The following TLN1 variants were observed in gnomAD, a reference collection of about 807,000 sequenced individuals.
TLN1 encodes talin-1.
TLN1 carries 56 observed loss-of-function variants against 292.3 expected under a neutral mutation model. The observed-to-expected ratio is 0.19, with a 90% CI of 0.15 to 0.24. TLN1 has a LOEUF of 0.24. TLN1 is among the 10% of genes least tolerant of loss of function. TLN1 has a pLI of 1.00. For synonymous variants in TLN1, 1,119 were observed against 1,253.7 expected (o/e 0.89, Z 2.27); for missense variants, 2,433 against 3,248.2 (o/e 0.75, Z 6.10).
chr9:35,719,015 C>T lies in TLN1; in HGVS notation c.1896+59G>A, dbSNP rs1825835693. ...GGCTTCCATCCTGTGGCTTGGACTG[C>T]CCCTTCTCCTTGGGCTTGAACCCTG... On this transcript the variant is annotated intron_variant, in intron 16 of 56. Transcript: ENST00000314888. This position sits in a 1 kb window ranked among gnomAD's most constrained non-coding sequence, Gnocchi z 4.6. 6.3e-7 allele frequency: 1 copy of T among 1,596,518 alleles called. No individual in the cohort carries two copies. The highest frequency in any genetic ancestry group is 1.7e-5 in the Admixed American group (1 of 59,566).
At chr9:35,716,635 T>G in intron 19 of TLN1, 79 bp from the exon 20 acceptor site, 1 of 1,521,024 alleles carries the variant, frequency 6.6e-7, no homozygotes, top group Admixed American at 1.8e-5. Flanking sequence ...TGGGGAAAAG[T>G]GGTGTAGACA....
rs1371771648 is a variant in TLN1 at position 35,717,707 on chromosome 9, C to T, written c.2075G>A (p.Arg692Gln). Residue 692 changes from arginine (R) to glutamine (Q), a missense_variant, in exon 18 of 57, where the codon CGG becomes CAG. Arg to Gln is a conservative substitution (Grantham distance 43). This residue lies in a region of TLN1 where 617 missense variants were observed against 770.6 expected (regional missense o/e 0.80). Coordinates refer to ENST00000314888, the MANE Select transcript of TLN1 (RefSeq NM_006289.4). The surrounding 1 kb of genome is among the most constrained non-coding windows in gnomAD (Gnocchi z 4.7). ...LVLKAKSVAQRTEDSGLQTQV... is the reference protein window; with the variant it reads ...LVLKAKSVAQQTEDSGLQTQV... ...GGTCTGAAGTCCCGAGTCCTCTGTC[C>T]GCTGGGCCACACTCTTGGCCTTGAG... 8 of 1,614,052 alleles carry T rather than the reference C, an allele frequency of 5.0e-6. No individual in the cohort carries two copies. Among genetic ancestry groups the T allele is most frequent in the Non-Finnish European group, 6.8e-6 (8 of 1,179,976 alleles).
intron 1 of TLN1, among the ~76,000 whole-genome samples, chr9:35,729,984 G>GTGTAGAAAAAGGATGAGAAGACAGA (rs1826044912): frequency 1.3e-5 from 2 of 152,080 alleles, no homozygotes; most frequent in Non-Finnish European, 2.9e-5. Flanking sequence ...GAGAAGACAG[G>GTGTAGAAAAAGGATGAGAAGACAGA]GTGTAGAAAA....
rs1391858327 is a variant in TLN1, at chr9:35,707,842, G to A, written c.4521C>T (p.Asn1507=). The change falls in exon 35 of 57, where the codon AAC becomes AAT. Residue 1507 remains asparagine, a synonymous_variant. Transcript: ENST00000314888. This position sits in a 1 kb window ranked among gnomAD's most constrained non-coding sequence, Gnocchi z 5.6. Reference sequence around the variant, plus strand: ...TACGGGCAGAAGCCAGGCGACAGCTGTTACACAGTGCAGAGGTGTGTTTAG... The same window carrying A: ...TACGGGCAGAAGCCAGGCGACAGCTATTACACAGTGCAGAGGTGTGTTTAG... ...IVAKHTSALC[N]SCRLASARTT... 9.9e-6 allele frequency: 16 copies of A among 1,614,172 alleles called. No homozygotes were observed. Among genetic ancestry groups the A allele is most frequent in the Non-Finnish European group, 1.4e-5 (16 of 1,180,036 alleles).
Position 35,720,237 on chromosome 9 carries a change from A to G in TLN1, c.1284-18T>C, listed in dbSNP as rs761816653. The G allele has an allele frequency of 6.4e-7, 1 of 1,562,722 alleles. No homozygotes were observed. ...CTGTTGACCTGTAGAGGGGTGAACT[A>G]TTGAGCTCACAGAGGACTCCTCATC... On this transcript the variant is annotated intron_variant, in intron 12 of 56. Coordinates refer to ENST00000314888, the MANE Select transcript of TLN1 (RefSeq NM_006289.4).
intron 33 of TLN1, among the ~76,000 whole-genome samples, chr9:35,709,640 G>A (rs1196239062): frequency 1.3e-5 from 2 of 152,088 alleles, no homozygotes; most frequent in African/African-American, 2.4e-5. Context: ...TGTAATCCCA[G>A]CACTTTGGGA....
At chr9:35,710,763 GC>G in intron 32 of TLN1, 33 bp downstream of exon 32, 4 of 1,613,892 alleles carry the variant, frequency 2.5e-6, no homozygotes, top group Non-Finnish European at 3.4e-6. Flanking sequence ...CCATCCTACT[GC>G]CCTCTCTCCT....
intron 33 of TLN1, among the ~76,000 whole-genome samples, chr9:35,709,120 C>T (rs1048436551): frequency 1.3e-5 from 2 of 152,118 alleles, no homozygotes; most frequent in African/African-American, 2.4e-5. Context: ...TTTAGTGAAA[C>T]CCTGTCTCTA....
chr9:35,707,989 C>A lies in TLN1; in HGVS notation c.4471-97G>T. ...AGGGTCAGGGGATGGAGAGCAATAC[C>A]CTGAGGAGTCAAAACAGGAATAACA... On this transcript the variant is annotated intron_variant, in intron 34 of 56. Transcript: ENST00000314888. The surrounding 1 kb of genome is among the most constrained non-coding windows in gnomAD (Gnocchi z 5.6). 5.0e-6 allele frequency: 7 copies of A among 1,394,256 alleles called. No homozygotes were observed. Among genetic ancestry groups the A allele is most frequent in the Non-Finnish European group, 6.9e-6 (7 of 1,016,862 alleles). 86.4% of individuals were successfully genotyped at this position (1,394,256 alleles called of 1,614,324 possible).
In TLN1 at chr9:35,707,548, G is replaced by A; in HGVS notation, c.4633-60C>T. On this transcript the variant is annotated intron_variant, in intron 35 of 56. Coordinates refer to ENST00000314888, the MANE Select transcript of TLN1 (RefSeq NM_006289.4). The surrounding 1 kb of genome is among the most constrained non-coding windows in gnomAD (Gnocchi z 5.6). ...TGCAGTCATAGGGGGTATAGGAAGT[G>A]AAGTCCAGGTCTCCTTCCTGGGACT... 1 of 1,596,464 alleles carries A rather than the reference G, an allele frequency of 6.3e-7. No individual in the cohort carries two copies. Among genetic ancestry groups the A allele is most frequent in the East Asian group, 2.2e-5 (1 of 44,566 alleles).
In TLN1 at chr9:35,706,105, C is replaced by T. The variant is rs754790750; in HGVS notation, c.5368G>A (p.Ala1790Thr). 1.2e-6 allele frequency: 2 copies of T among 1,614,102 alleles called. No individual in the cohort carries two copies. The highest frequency in any genetic ancestry group is 1.7e-6 in the Non-Finnish European group (2 of 1,179,996). The change falls in exon 41 of 57, where the codon GCT (alanine) becomes ACT (threonine). Residue 1790 changes from alanine (A) to threonine (T), a missense_variant. Physicochemically the swap from Ala to Thr is moderately conservative, Grantham distance 58 (BLOSUM62 0). This residue lies in a region of TLN1 where 1,384 missense variants were observed against 1,699.6 expected (regional missense o/e 0.81). Transcript: ENST00000314888. This position sits in a 1 kb window ranked among gnomAD's most constrained non-coding sequence, Gnocchi z 4.2. ...KEAGGNPKQA[A>T]HTQEALEEAV... is the part of the protein sequence containing the mutation. ...TCCTCCAGGGCTTCCTGGGTGTGAG[C>T]TGCTTGCTGTGGGGAGAGGAGAGGA...
In TLN1 at chr9:35,724,785, T is replaced by G; in HGVS notation, c.358+45A>C. ...CTGCATCCATGCCTTTTGAGAGAGT[T>G]GAGGCTTTCTGGCCCAGGCTTTCAA... On this transcript the variant is annotated intron_variant, in intron 4 of 56. Coordinates refer to ENST00000314888, the MANE Select transcript of TLN1 (RefSeq NM_006289.4). This position sits in a 1 kb window ranked among gnomAD's most constrained non-coding sequence, Gnocchi z 4.7. The G allele has an allele frequency of 1.2e-6, 2 of 1,613,754 alleles. No individual in the cohort carries two copies. The highest frequency in any genetic ancestry group is 1.7e-6 in the Non-Finnish European group (2 of 1,179,704).
Position 35,719,327 on chromosome 9 carries a change from C to A in TLN1, c.1688-45G>T. The A allele has an allele frequency of 6.3e-7, 1 of 1,582,748 alleles. No individual in the cohort carries two copies. Among genetic ancestry groups the A allele is most frequent in the East Asian group, 2.3e-5 (1 of 43,958 alleles). The stretch of plus-strand genomic sequence containing the variant: ...GAGGAACATGAGAGACAGGGCAGGC[C>A]AGACGAAGGGCTGGGGAGGGAGCAA... On this transcript the variant is annotated intron_variant, in intron 15 of 56. Transcript: ENST00000314888. The surrounding 1 kb of genome is among the most constrained non-coding windows in gnomAD (Gnocchi z 4.6).
At chr9:35,725,483 G>T in intron 2 of TLN1, 82 bp downstream of exon 2, 2 of 1,575,234 alleles carry the variant, frequency 1.3e-6, no homozygotes, top group South Asian at 2.3e-5. Flanking sequence ...GGGGACAAAG[G>T]GGTCAACTCT....
rs1467381961 is a variant in TLN1, at chr9:35,712,840, C to T, written c.3556G>A (p.Ala1186Thr). The part of the protein sequence containing the change: ...PGDPESQQRL[A>T]QVAKAVTQAL... ...GCCCTTTCCCAGTATCTGACCTGGG[C>T]AAGCCGCTGCTGGCTCTCAGGGTCC... The change falls in exon 27 of 57, where the codon GCC becomes ACC. Residue 1186 changes from alanine (A) to threonine (T), a missense_variant. Around this residue, in one of 7 missense-constraint regions of TLN1, gnomAD observed 1,384 missense variants for 1,699.6 expected, o/e 0.81. Transcript: ENST00000314888. The T allele has an allele frequency of 6.3e-7, 1 of 1,574,818 alleles. No homozygotes were observed. The highest frequency in any genetic ancestry group is 8.6e-7 in the Non-Finnish European group (1 of 1,158,682).
At chr9:35,720,287 T>C in intron 12 of TLN1, 68 bp from the exon 13 acceptor site, 1 of 1,538,224 alleles carries the variant, frequency 6.5e-7, no homozygotes, top group Non-Finnish European at 8.8e-7. Context: ...CCGGTTACAC[T>C]ACCTTTGCAG....
chr9:35,723,118 T>A (rs1825906218), intron 7 of TLN1, 197 bp from the exon 8 acceptor site: 1 of 452,962 alleles, frequency 2.2e-6, no homozygotes. Flanking sequence ...TTTTTTTTTT[T>A]GAGATGGAGT....
rs373214393 is a variant in TLN1 at position 35,706,432 on chromosome 9, A to C, written c.5190+18T>G. ...CTCACCCTACTCCCTGGGACTTCCCATGAGTCTCCATAGGTACCTTGTGTC... is the reference window on the plus strand; with the variant it reads ...CTCACCCTACTCCCTGGGACTTCCCCTGAGTCTCCATAGGTACCTTGTGTC... On this transcript the variant is annotated intron_variant, in intron 39 of 56. Transcript: ENST00000314888. The surrounding 1 kb of genome is among the most constrained non-coding windows in gnomAD (Gnocchi z 4.2). The C allele has an allele frequency of 1.2e-6, 2 of 1,614,068 alleles. No homozygotes were observed. Among genetic ancestry groups the C allele is most frequent in the African/African-American group, 1.3e-5 (1 of 75,040 alleles).
chr9:35,707,004 A>C lies in TLN1; in HGVS notation c.4955+68T>G. ...AACACCATCCCATCTCATTGCACTC[A>C]AGTGCCCATCCTCCATTCTGCCACA... On this transcript the variant is annotated intron_variant, in intron 37 of 56. Coordinates refer to ENST00000314888, the MANE Select transcript of TLN1 (RefSeq NM_006289.4). The surrounding 1 kb of genome is among the most constrained non-coding windows in gnomAD (Gnocchi z 5.6). The C allele has an allele frequency of 6.2e-7, 1 of 1,608,192 alleles. No homozygotes were observed. Among genetic ancestry groups the C allele is most frequent in the African/African-American group, 1.3e-5 (1 of 74,594 alleles).
Sources: allele counts gnomAD v4.1 joint callset (sites outside exome capture counted in the v4.1 genomes callset), GRCh38; gene constraint gnomAD v4.1.1; regional missense constraint gnomAD v4.1.1; non-coding constraint Gnocchi (gnomAD v3.1); transcripts MANE v1.5; gene names NCBI Gene and HGNC (gene_info 2026-07-23, HGNC 2026-07-21).